Variants in NR3C1 observed in about 807,000 individuals in gnomAD.
NR3C1 encodes nuclear receptor subfamily 3 group C member 1.
A neutral mutation model predicts 74.0 loss-of-function variants in NR3C1; 14 were observed. The observed-to-expected ratio is 0.19, with a 90% CI of 0.12 to 0.30. The LOEUF is 0.30. NR3C1 is among the 10% of genes least tolerant of loss of function. The pLI is 1.00. For missense variants in NR3C1, 695 were observed against 909.8 expected (o/e 0.76, Z 3.04); for synonymous variants, 308 against 332.5 (o/e 0.93, Z 0.80).
intron 4 of NR3C1, among the ~76,000 whole-genome samples, chr5:143,305,261 G>A (rs964020555): frequency 1.3e-5 from 2 of 152,064 alleles, no homozygotes; most frequent in Non-Finnish European, 2.9e-5. Context: ...CAAACATATG[G>A]AAAAATGCTG....
chr5:143,290,109 T>G (rs1446933757), intron 7 of NR3C1, among the ~76,000 whole-genome samples: 1 of 152,248 alleles, frequency 6.6e-6, no homozygotes, highest in Non-Finnish European at 1.5e-5. Flanking sequence ...TTTGAAACTA[T>G]ATATTTACAA....
chr5:143,331,466 TAAAG>T (rs1561586283), intron 2 of NR3C1, among the ~76,000 whole-genome samples: 2 of 152,066 alleles, frequency 1.3e-5, no homozygotes, highest in Non-Finnish European at 2.9e-5. Flanking sequence ...GATTCTACCA[TAAAG>T]ACGCATGCAT....
chr5:143,389,819 T>A (rs1426422700), intron 2 of NR3C1: 1 of 339,938 alleles, frequency 2.9e-6, no homozygotes, highest in Admixed American at 6.5e-5. Context: ...CAGAACAAAG[T>A]AAGAGGTTCA....
chr5:143,344,643 C>T lies in NR3C1; in HGVS notation c.1185-30475G>A, dbSNP rs192115609. The stretch of plus-strand genomic sequence containing the variant: ...ATCCCATCACTTTGGGAGGCCAAGG[C>T]GGGTGGATCACCTGAGGTCAGGAGT... On this transcript the variant is annotated intron_variant, in intron 2 of 8. Coordinates refer to ENST00000394464, the MANE Select transcript of NR3C1 (RefSeq NM_000176.3). Among the ~76,000 whole-genome samples the T allele has an allele frequency of 4.3e-3, 660 of 152,260 alleles. 2 individuals carry two copies. Among genetic ancestry groups the T allele is most frequent in the African/African-American group, 0.015 (632 of 41,554 alleles).
intron 2 of NR3C1, 83 bp downstream of exon 2, chr5:143,399,571 AAC>A: frequency 5.6e-6 from 6 of 1,064,366 alleles, no homozygotes; most frequent in South Asian, 1.4e-5. Context: ...ATCTTTAGAG[AAC>A]ACATATAAAT....
intron 2 of NR3C1, among the ~76,000 whole-genome samples, chr5:143,397,529 A>G (rs1477914312): frequency 6.6e-6 from 1 of 151,924 alleles, no homozygotes; most frequent in Non-Finnish European, 1.5e-5. Context: ...TGTTTTGGGT[A>G]ATCATAGTTC....
intron 2 of NR3C1, among the ~76,000 whole-genome samples, chr5:143,384,535 C>A (rs1836825585): frequency 6.6e-6 from 1 of 152,170 alleles, no homozygotes; most frequent in South Asian, 2.1e-4. Context: ...TAAATTCCCC[C>A]ATTCCAAACT....
chr5:143,349,762 C>A (rs1055897796), intron 2 of NR3C1, among the ~76,000 whole-genome samples: 4 of 152,160 alleles, frequency 2.6e-5, no homozygotes, highest in South Asian at 2.1e-4. Flanking sequence ...AAAACACAAA[C>A]ATGAACCTTT....
chr5:143,324,043 T>C (rs148701757), intron 2 of NR3C1, among the ~76,000 whole-genome samples: 3 of 152,270 alleles, frequency 2.0e-5, no homozygotes, highest in Non-Finnish European at 2.9e-5. Context: ...CAGGCTGGCA[T>C]TGAGTGTCTG....
intron 4 of NR3C1, among the ~76,000 whole-genome samples, chr5:143,308,158 TC>T (rs1187895878): frequency 6.6e-6 from 1 of 152,098 alleles, no homozygotes; most frequent in African/African-American, 2.4e-5. Flanking sequence ...AATTAGTCTC[TC>T]CTATCAAAAG....
chr5:143,404,294 CGCTCGGGGCCGG>C, upstream of NR3C1: 1 of 985,622 alleles, frequency 1.0e-6, no homozygotes, highest in Non-Finnish European at 1.2e-6. Context: ...GTCTCGGCCG[CGCTCGGGGCCGG>C]GCGGCCTGAC....
At chr5:143,361,725 C>T (rs547284540) in intron 2 of NR3C1, among the ~76,000 whole-genome samples, 22 of 152,268 alleles carry the variant, frequency 1.4e-4, no homozygotes, top group African/African-American at 4.8e-4. Flanking sequence ...CTAGATGTCC[C>T]ACGAATAACA....
At position 143,403,679 on chromosome 5, in the gene NR3C1, G is replaced by A. The variant is rs61759011; in HGVS notation, c.-482C>T. 2.9e-5 allele frequency: 29 copies of A among 985,520 alleles called. No individual in the cohort carries two copies. Among genetic ancestry groups the A allele is most frequent in the Middle Eastern group, 5.2e-4 (1 of 1,912 alleles). 61.0% of individuals were successfully genotyped at this position (985,520 alleles called of 1,614,324 possible). On this transcript the variant is annotated 5_prime_UTR_variant, in exon 1 of 9. Transcript: ENST00000394464. The stretch of plus-strand genomic sequence containing the variant: ...AGCGGGACCGAGCGGGGAGCGGGTG[G>A]AGGCGGCGCCACGGCGCGCACACAC...
intron 1 of NR3C1, among the ~76,000 whole-genome samples, chr5:143,418,272 C>G (rs2151958237): frequency 6.6e-6 from 1 of 152,284 alleles, no homozygotes; most frequent in East Asian, 1.9e-4. Context: ...CCTTTAATTT[C>G]ACAATCACAG....
intron 1 of NR3C1, among the ~76,000 whole-genome samples, chr5:143,424,104 C>G (rs1383568848): frequency 3.3e-5 from 5 of 151,246 alleles, no homozygotes; most frequent in Admixed American, 6.6e-5. Flanking sequence ...GGAGATATAC[C>G]TAATGCTAGA....
chr5:143,391,997 GCT>G (rs1461083349), intron 2 of NR3C1, among the ~76,000 whole-genome samples: 1 of 150,174 alleles, frequency 6.7e-6, no homozygotes, highest in Non-Finnish European at 1.5e-5. Flanking sequence ...ACGGAGACTC[GCT>G]CTGTCGCCCA....
At chr5:143,336,741 G>C (rs1407046019) in intron 2 of NR3C1, among the ~76,000 whole-genome samples, 1 of 151,976 alleles carries the variant, frequency 6.6e-6, no homozygotes. Flanking sequence ...GGAGGCTAAA[G>C]CAGGCAGATC....
chr5:143,297,008 C>G (rs1348105389), intron 6 of NR3C1, among the ~76,000 whole-genome samples: 1 of 141,830 alleles, frequency 7.1e-6, no homozygotes, highest in Admixed American at 7.6e-5. Flanking sequence ...ACCCTGGAGG[C>G]AGAGGTTGCC....
Position 143,402,635 on chromosome 5 carries a change from A to C in NR3C1, c.-14+576T>G, listed in dbSNP as rs192978343. 5,077 of 985,534 alleles carry C rather than the reference A, an allele frequency of 5.2e-3. 12 individuals carry two copies. Among genetic ancestry groups the C allele is most frequent in the Non-Finnish European group, 5.8e-3 (4,777 of 830,012 alleles). 61.0% of individuals were successfully genotyped at this position (985,534 alleles called of 1,614,324 possible). On this transcript the variant is annotated intron_variant, in intron 1 of 8. Transcript: ENST00000394464. ...TTCTCTCTCCGACACGCCCACTTCT[A>C]ACAGATAACGCCGGCCCCGGCCGCA...
Sources: gnomAD v4.1 joint callset for allele counts (sites outside exome capture counted in the v4.1 genomes callset) on GRCh38, gnomAD v4.1.1 for gene constraint, MANE v1.5 for transcripts, NCBI Gene and HGNC (gene_info 2026-07-23, HGNC 2026-07-21) for gene names.